Variants in DNAI3 observed in about 807,000 individuals in gnomAD.
DNAI3 encodes WD repeat domain 63.
A neutral mutation model predicts 115.5 loss-of-function variants in DNAI3; 83 were observed. That is an observed-to-expected ratio of 0.72 (90% confidence interval 0.60 to 0.86). The LOEUF (loss-of-function observed/expected upper bound fraction) is 0.86, where lower values mean the gene tolerates loss of function less well. DNAI3 is among the 40% of genes least tolerant of loss of function. The pLI is 0.00. For synonymous variants in DNAI3, 320 were observed against 347.0 expected (o/e 0.92, Z 0.86); for missense variants, 1,004 against 1,075.8 (o/e 0.93, Z 0.93).
At position 85,081,307 on chromosome 1, in the gene DNAI3, T is replaced by C. The variant is rs1654625330; in HGVS notation, c.177T>C (p.Asp59=). The change falls in exon 4 of 23, where the codon GAT becomes GAC. Residue 59 remains aspartate (D), a synonymous_variant. Transcript: ENST00000294664. ...QEIFNCRIDE[D]VTDEQPYKLI... The stretch of plus-strand genomic sequence containing the variant: ...TATTTAACTGCCGAATAGATGAAGA[T>C]GTCACAGATGAACAACCTTATAAGC... 1 of 1,607,268 alleles carries C rather than the reference T, an allele frequency of 6.2e-7. No homozygotes were observed. The highest frequency in any genetic ancestry group is 1.1e-5 in the South Asian group (1 of 89,710).
intron 14 of DNAI3, among the ~76,000 whole-genome samples, chr1:85,107,316 G>A (rs954303787): frequency 6.6e-6 from 1 of 152,100 alleles, no homozygotes; most frequent in Non-Finnish European, 1.5e-5. Context: ...TGGTGGGGAG[G>A]TGCAGAATTC....
chr1:85,094,146 CA>C, intron 9 of DNAI3: 1 of 438,986 alleles, frequency 2.3e-6, no homozygotes, highest in South Asian at 2.6e-5. Flanking sequence ...CCTTTTCTCA[CA>C]AAAAAGAAAC....
intron 7 of DNAI3, 31 bp downstream of exon 7, chr1:85,086,061 T>C (rs1353875104): frequency 6.3e-7 from 1 of 1,597,002 alleles, no homozygotes; most frequent in South Asian, 1.1e-5. Context: ...TGTAATTTTA[T>C]AGCCAGTTAC....
intron 19 of DNAI3, among the ~76,000 whole-genome samples, chr1:85,124,695 T>A (rs970188781): frequency 2.6e-5 from 4 of 152,138 alleles, no homozygotes; most frequent in Admixed American, 6.5e-5. Flanking sequence ...CAAGCCCAGC[T>A]TTTTTGTGTG....
At chr1:85,123,954 A>G (rs1039443444) in intron 18 of DNAI3, among the ~76,000 whole-genome samples, 167 bp from the exon 19 acceptor site, 4 of 152,240 alleles carry the variant, frequency 2.6e-5, no homozygotes, top group Non-Finnish European at 5.9e-5. Context: ...ATAATAACAG[A>G]AGGAGCCATC....
Position 85,117,860 on chromosome 1 carries a change from G to A in DNAI3, c.1917+1G>A, listed in dbSNP as rs943837222. ...CACAAAGTTCTTTGTGGGAACAGAG[G>A]TAAATTGGGATTATCTGCTTTTAAA... On this transcript the variant is annotated splice_donor_variant, in intron 17 of 22. Coordinates refer to ENST00000294664, the MANE Select transcript of DNAI3 (RefSeq NM_145172.5). LOFTEE classifies it high-confidence loss of function. 5 of 1,610,810 alleles carry A rather than the reference G, an allele frequency of 3.1e-6. No individual in the cohort carries two copies. The highest frequency in any genetic ancestry group is 2.7e-5 in the African/African-American group (2 of 74,882).
At position 85,116,543 on chromosome 1, in the gene DNAI3, T is replaced by C. The variant is rs952220910; in HGVS notation, c.1787-1186T>C. 5.8e-4 allele frequency among the ~76,000 whole-genome samples: 88 copies of C among 152,316 alleles called. 1 individual carries two copies. The highest frequency in any genetic ancestry group is 2.1e-3 in the African/African-American group (87 of 41,566). Reference sequence around the variant, plus strand: ...ATACATATTCTACTTCTCTAATATATTTGTGTACATGATTTAAAAAGAGAG... The same window carrying C: ...ATACATATTCTACTTCTCTAATATACTTGTGTACATGATTTAAAAAGAGAG... On this transcript the variant is annotated intron_variant, in intron 16 of 22. Coordinates refer to ENST00000294664, the MANE Select transcript of DNAI3 (RefSeq NM_145172.5).
chr1:85,081,140 A>G (rs1654621138), intron 3 of DNAI3, 94 bp from the exon 4 acceptor site: 1 of 1,023,650 alleles, frequency 9.8e-7, no homozygotes, highest in Admixed American at 3.1e-5. Flanking sequence ...AATTTAACCA[A>G]GATAATTATT....
At chr1:85,112,335 C>T (rs1655684597) in intron 16 of DNAI3, among the ~76,000 whole-genome samples, 2 of 152,222 alleles carry the variant, frequency 1.3e-5, no homozygotes, top group African/African-American at 2.4e-5. Flanking sequence ...TTTATCCATT[C>T]ACCTGTTGAT....
chr1:85,065,975 A>G (rs1337633629), intron 1 of DNAI3, among the ~76,000 whole-genome samples: 1 of 152,232 alleles, frequency 6.6e-6, no homozygotes, highest in Non-Finnish European at 1.5e-5. Context: ...GTGCACCATC[A>G]CAGGTTTTGA....
chr1:85,101,295 A>T (rs1333127683), intron 13 of DNAI3, among the ~76,000 whole-genome samples: 1 of 152,170 alleles, frequency 6.6e-6, no homozygotes, highest in Non-Finnish European at 1.5e-5. Flanking sequence ...TAAATAGCCC[A>T]CGTATAGTTT....
intron 7 of DNAI3, among the ~76,000 whole-genome samples, chr1:85,089,288 T>A (rs1654891408): frequency 6.6e-6 from 1 of 151,392 alleles, no homozygotes; most frequent in South Asian, 2.1e-4. Flanking sequence ...TAGTAAATGA[T>A]AGAACCAGGC....
At position 85,097,684 on chromosome 1, in the gene DNAI3, A is replaced by G; in HGVS notation, c.1350+29A>G. On this transcript the variant is annotated intron_variant, in intron 12 of 22. Transcript: ENST00000294664. ...AGCTTTTTACAACATTTCACTTGCAAGTTTTTTCCATTGAAGAGTTTATGG... is the reference window on the plus strand; with the variant it reads ...AGCTTTTTACAACATTTCACTTGCAGGTTTTTTCCATTGAAGAGTTTATGG... 3 of 1,585,264 alleles carry G rather than the reference A, an allele frequency of 1.9e-6. 1 individual carries two copies. Among genetic ancestry groups the G allele is most frequent in the Middle Eastern group, 3.3e-4 (2 of 5,980 alleles).
At chr1:85,104,311 A>G (rs955740897) in intron 13 of DNAI3, among the ~76,000 whole-genome samples, 2 of 151,976 alleles carry the variant, frequency 1.3e-5, no homozygotes, top group African/African-American at 2.4e-5. Context: ...TAGTAGAGAC[A>G]GGCTTTCACC....
intron 13 of DNAI3, 90 bp from the exon 14 acceptor site, chr1:85,104,434 A>G: frequency 8.6e-7 from 1 of 1,166,304 alleles, no homozygotes; most frequent in Non-Finnish European, 1.2e-6. Context: ...ATGTTCTTTT[A>G]TTAACATTTA....
intron 12 of DNAI3, among the ~76,000 whole-genome samples, chr1:85,098,310 A>T (rs1655187603): frequency 6.6e-6 from 1 of 152,204 alleles, no homozygotes. Flanking sequence ...GTAGGTCAAT[A>T]ATACTTGTTA....
At chr1:85,098,805 G>C (rs1312784581) in intron 13 of DNAI3, 147 bp downstream of exon 13, 1 of 1,172,204 alleles carries the variant, frequency 8.5e-7, no homozygotes, top group African/African-American at 1.6e-5. Context: ...GGTTACTGTT[G>C]CCAGACCAGT....
At chr1:85,082,992 T>C (rs1005511838) in intron 5 of DNAI3, among the ~76,000 whole-genome samples, 2 of 152,172 alleles carry the variant, frequency 1.3e-5, no homozygotes, top group African/African-American at 2.4e-5. Context: ...AGGGCTTTCA[T>C]GAGGATTCAT....
chr1:85,074,404 C>A (rs1376048302), intron 3 of DNAI3, among the ~76,000 whole-genome samples: 1 of 152,224 alleles, frequency 6.6e-6, no homozygotes, highest in Non-Finnish European at 1.5e-5. Flanking sequence ...CTTGTTTCCT[C>A]CTCCTCTTCG....
Sources: gnomAD v4.1 joint callset for allele counts (sites outside exome capture counted in the v4.1 genomes callset) on GRCh38, gnomAD v4.1.1 for gene constraint, MANE v1.5 for transcripts, NCBI Gene and HGNC (gene_info 2026-07-23, HGNC 2026-07-21) for gene names.